The following SLC9A9 variants were observed in gnomAD, a reference collection of about 807,000 sequenced individuals.
SLC9A9 encodes the protein solute carrier family 9 member A9, also known as sodium/hydrogen exchanger 9.
SLC9A9 carries 62 observed loss-of-function variants against 77.8 expected under a neutral mutation model. That is an observed-to-expected ratio of 0.80 (90% CI 0.65 to 0.98). SLC9A9 has a LOEUF of 0.98. SLC9A9 is among the 50% of genes least tolerant of loss of function. SLC9A9 has a pLI of 0.00. For synonymous variants in SLC9A9, 320 were observed against 283.5 expected, an observed-to-expected ratio of 1.13 and a Z score of -1.29; for missense variants, 775 against 774.9, an observed-to-expected ratio of 1.00 and a Z score of 0.00.
At position 143,490,365 on chromosome 3, in the gene SLC9A9, A is replaced by G. The variant is rs1481953643; in HGVS notation, c.1315+3288T>C. Reference sequence around the variant, plus strand: ...TTTAACAGGAAGGAAATTTTATAATATGCTATAACATGGATGAACCTTGAG... The same window carrying G: ...TTTAACAGGAAGGAAATTTTATAATGTGCTATAACATGGATGAACCTTGAG... On this transcript the variant is annotated intron_variant, in intron 11 of 15. Coordinates refer to ENST00000316549, the MANE Select transcript of SLC9A9 (RefSeq NM_173653.4). 2.6e-5 allele frequency among the ~76,000 whole-genome samples: 4 copies of G among 152,196 alleles called. No homozygotes were observed. In the East Asian group the frequency reaches 7.7e-4, roughly 29 times the overall value.
At chr3:143,617,875 G>T (rs1056142328) in intron 6 of SLC9A9, among the ~76,000 whole-genome samples, 4 of 152,234 alleles carry the variant, frequency 2.6e-5, no homozygotes, top group Admixed American at 6.5e-5. Context: ...ATCCTGAGAC[G>T]CCAGGCAGCC....
chr3:143,707,459 T>C (rs573238613), intron 4 of SLC9A9, among the ~76,000 whole-genome samples: 1 of 152,190 alleles, frequency 6.6e-6, no homozygotes, highest in South Asian at 2.1e-4. Flanking sequence ...CAGCAAGTGA[T>C]AGAAATTAGA....
At chr3:143,772,602 G>A (rs1176674006) in intron 4 of SLC9A9, among the ~76,000 whole-genome samples, 1 of 152,162 alleles carries the variant, frequency 6.6e-6, no homozygotes, top group Non-Finnish European at 1.5e-5. Context: ...AGGAACTGTA[G>A]CCACTACCAT....
At chr3:143,572,541 C>T (rs2037282031) in intron 8 of SLC9A9, among the ~76,000 whole-genome samples, 1 of 152,172 alleles carries the variant, frequency 6.6e-6, no homozygotes, top group Non-Finnish European at 1.5e-5. Context: ...CATTATTTCA[C>T]TGAAGGGACA....
chr3:143,577,676 T>C (rs2037383694), intron 7 of SLC9A9, among the ~76,000 whole-genome samples: 1 of 152,194 alleles, frequency 6.6e-6, no homozygotes, highest in Admixed American at 6.5e-5. Context: ...CCCAGTAGAA[T>C]GAAGCATTTT....
chr3:143,541,427 C>T (rs940834162), intron 9 of SLC9A9, among the ~76,000 whole-genome samples: 2 of 152,186 alleles, frequency 1.3e-5, no homozygotes, highest in African/African-American at 4.8e-5. Flanking sequence ...AGCAACCTCA[C>T]GAGACCCTGA....
At chr3:143,565,770 T>C (rs932674459) in intron 8 of SLC9A9, among the ~76,000 whole-genome samples, 3 of 152,044 alleles carry the variant, frequency 2.0e-5, no homozygotes, top group African/African-American at 7.2e-5. Flanking sequence ...TGGTGAATTG[T>C]TGGTTAAGTT....
At chr3:143,551,526 C>G (rs1180959124) in intron 9 of SLC9A9, among the ~76,000 whole-genome samples, 1 of 152,180 alleles carries the variant, frequency 6.6e-6, no homozygotes, top group Non-Finnish European at 1.5e-5. Context: ...TTGTGGCTAC[C>G]TTCTACCCTC....
At chr3:143,553,153 A>G (rs1285607900) in intron 8 of SLC9A9, among the ~76,000 whole-genome samples, 1 of 152,132 alleles carries the variant, frequency 6.6e-6, no homozygotes, top group East Asian at 1.9e-4. Flanking sequence ...TGACATCTGC[A>G]GGGTTTAGTT....
chr3:143,625,297 G>A lies in SLC9A9; in HGVS notation c.755+26958C>T, dbSNP rs1427320370. On this transcript the variant is annotated intron_variant, in intron 6 of 15. Coordinates refer to ENST00000316549, the MANE Select transcript of SLC9A9 (RefSeq NM_173653.4). ...TTCATATGGAGCCAAAAAAGAGCCC[G>A]CATTGCCAAGTCAATCCTAAGCCAA... 7.9e-5 allele frequency among the ~76,000 whole-genome samples: 12 copies of A among 152,252 alleles called. No homozygotes were observed. The East Asian group carries it at 1.5e-3, about 20-fold the overall frequency.
At chr3:143,578,813 T>C in intron 6 of SLC9A9, 90 bp from the exon 7 acceptor site, 1 of 1,486,180 alleles carries the variant, frequency 6.7e-7, no homozygotes. Flanking sequence ...GAGGTATCTT[T>C]CCCTGTAATG....
At chr3:143,705,722 C>A (rs1370362811) in intron 4 of SLC9A9, among the ~76,000 whole-genome samples, 1 of 152,140 alleles carries the variant, frequency 6.6e-6, no homozygotes, top group Admixed American at 6.5e-5. Flanking sequence ...AGAGAAGGCA[C>A]GCATGCACAC....
At chr3:143,800,048 G>A (rs1381902297) in intron 2 of SLC9A9, among the ~76,000 whole-genome samples, 1 of 152,082 alleles carries the variant, frequency 6.6e-6, no homozygotes, top group East Asian at 1.9e-4. Flanking sequence ...CCCTTATTAA[G>A]TCGAGACATT....
At chr3:143,669,413 C>A (rs1217059721) in intron 5 of SLC9A9, among the ~76,000 whole-genome samples, 3 of 152,226 alleles carry the variant, frequency 2.0e-5, no homozygotes, top group African/African-American at 7.2e-5. Flanking sequence ...TCAACCACAG[C>A]TGTTTCCCAG....
intron 4 of SLC9A9, among the ~76,000 whole-genome samples, chr3:143,717,120 C>T (rs937482520): frequency 2.0e-5 from 3 of 152,198 alleles, no homozygotes; most frequent in African/African-American, 4.8e-5. Flanking sequence ...TGTCCTTACA[C>T]TAAACATAAC....
chr3:143,753,154 C>G (rs1221940701), intron 4 of SLC9A9, among the ~76,000 whole-genome samples: 1 of 152,186 alleles, frequency 6.6e-6, no homozygotes, highest in Non-Finnish European at 1.5e-5. Context: ...AGAAGTTTTG[C>G]TCTGCTTTTA....
At chr3:143,719,618 T>C (rs1934443852) in intron 4 of SLC9A9, among the ~76,000 whole-genome samples, 1 of 152,196 alleles carries the variant, frequency 6.6e-6, no homozygotes, top group Admixed American at 6.5e-5. Flanking sequence ...ATGTTATTCT[T>C]CTTCATATCT....
chr3:143,839,242 A>T (rs1380892761), intron 1 of SLC9A9, among the ~76,000 whole-genome samples: 1 of 152,160 alleles, frequency 6.6e-6, no homozygotes, highest in Non-Finnish European at 1.5e-5. Context: ...CTCACCATCA[A>T]CTTGTTTTGG....
intron 2 of SLC9A9, among the ~76,000 whole-genome samples, chr3:143,798,902 A>G (rs535329222): frequency 2.0e-5 from 3 of 151,844 alleles, no homozygotes; most frequent in African/African-American, 7.2e-5. Context: ...TACAGACCCA[A>G]CTGACCTCTC....
Sources: allele counts gnomAD v4.1 joint callset (sites outside exome capture counted in the v4.1 genomes callset), GRCh38; gene constraint gnomAD v4.1.1; transcripts MANE v1.5; gene names NCBI Gene and HGNC (gene_info 2026-07-23, HGNC 2026-07-21).